SPTBN4: variants seen among roughly 807,000 people sequenced by gnomAD.
The protein encoded by SPTBN4 is spectrin beta chain, non-erythrocytic 4.
In SPTBN4, 96 loss-of-function variants were observed where a neutral mutation model predicts 277.8. That is an observed-to-expected ratio of 0.35 (90% CI 0.29 to 0.41). The LOEUF (loss-of-function observed/expected upper bound fraction) is 0.41. Ranked by LOEUF, SPTBN4 falls within the 10% of genes least tolerant of loss-of-function variation. The pLI is 1.00. For missense variants in SPTBN4, 3,006 were observed against 3,595.7 expected, an observed-to-expected ratio of 0.84 and a Z score of 4.19; for synonymous variants, 1,481 against 1,580.3, an observed-to-expected ratio of 0.94 and a Z score of 1.49.
chr19:40,514,754 T>C (rs1172102346), intron 14 of SPTBN4, among the ~76,000 whole-genome samples: 2 of 151,908 alleles, frequency 1.3e-5, no homozygotes, highest in Non-Finnish European at 2.9e-5. Flanking sequence ...AAGAAGGGTG[T>C]GAAGGAAAAC....
At chr19:40,535,837 T>A (rs1284940917) in intron 20 of SPTBN4, among the ~76,000 whole-genome samples, 1 of 152,128 alleles carries the variant, frequency 6.6e-6, no homozygotes, top group African/African-American at 2.4e-5. Flanking sequence ...CTCAGGAGGC[T>A]GTAATCCCAG....
intron 6 of SPTBN4, 55 bp from the exon 7 acceptor site, chr19:40,497,434 T>C: frequency 7.2e-7 from 1 of 1,385,764 alleles, no homozygotes; most frequent in South Asian, 1.2e-5. Flanking sequence ...CTTCCCTGCT[T>C]GCCCGCCGGC....
intron 2 of SPTBN4, among the ~76,000 whole-genome samples, chr19:40,481,391 G>A (rs954473601): frequency 3.9e-5 from 6 of 152,054 alleles, no homozygotes; most frequent in Admixed American, 6.6e-5. Flanking sequence ...GAGACTGCCC[G>A]TTTGTATCGT....
chr19:40,524,989 G>T (rs2080573415), intron 17 of SPTBN4, among the ~76,000 whole-genome samples: 1 of 152,142 alleles, frequency 6.6e-6, no homozygotes, highest in Non-Finnish European at 1.5e-5. Flanking sequence ...CATTAGAGCT[G>T]TTTCTGCTCC....
chr19:40,477,805 GA>G (rs2079965581), intron 2 of SPTBN4, among the ~76,000 whole-genome samples: 1 of 152,130 alleles, frequency 6.6e-6, no homozygotes, highest in Non-Finnish European at 1.5e-5. Flanking sequence ...TACAGGTGAG[GA>G]GTAAATGATG....
chr19:40,475,233 G>A (rs1158620830), intron 2 of SPTBN4, among the ~76,000 whole-genome samples: 3 of 152,042 alleles, frequency 2.0e-5, no homozygotes, highest in African/African-American at 4.8e-5. Flanking sequence ...GATATGGAAC[G>A]TCATAATCAT....
rs372763000 is a variant in SPTBN4 at position 40,498,373 on chromosome 19, TTTTATTTATTTATTTATTTA to T, written c.784+797_784+816del. On this transcript the variant is annotated intron_variant, in intron 7 of 35. Transcript: ENST00000598249. Reference sequence around the variant, plus strand: ...AATTTATCAACCCTGTTTTATTTTATTTTATTTATTTATTTATTTATTTATTTATTTATTTATTTATTTAT... The same window carrying T: ...AATTTATCAACCCTGTTTTATTTTATTTTATTTATTTATTTATTTATTTAT... Among the ~76,000 whole-genome samples the T allele has an allele frequency of 9.2e-5, 13 of 141,162 alleles. No individual in the cohort carries two copies. In the East Asian group the frequency reaches 1.1e-3, roughly 12 times the overall value. The allele number at this position is 141,162 out of a possible 152,430, so 92.6% of individuals were successfully genotyped here. A position where few individuals can be genotyped will look rare whatever the true frequency, so the allele number is the denominator to read the frequency against.
Position 40,513,545 on chromosome 19 carries a change from T to C in SPTBN4, c.2756T>C (p.Val919Ala). 6.3e-7 allele frequency: 1 copy of C among 1,576,410 alleles called. No individual in the cohort carries two copies. Among genetic ancestry groups the C allele is most frequent in the Non-Finnish European group, 8.6e-7 (1 of 1,166,280 alleles). ...GATTCACTCGACGACGTCGAGGTGGTGCAGCACCGGTGAGCGCGCACATGT... is the reference window on the plus strand; with the variant it reads ...GATTCACTCGACGACGTCGAGGTGGCGCAGCACCGGTGAGCGCGCACATGT... Reference protein sequence around the residue: ...VPDSLDDVEVVQHRFESLDQE... With the variant: ...VPDSLDDVEVAQHRFESLDQE... The change falls in exon 14 of 36, where the codon GTG (valine) becomes GCG (alanine). Residue 919 changes from valine (V) to alanine (A), a missense_variant. By Grantham distance (64) the Val-to-Ala change is moderately conservative (BLOSUM62 0). Coordinates refer to ENST00000598249, the MANE Select transcript of SPTBN4 (RefSeq NM_020971.3).
chr19:40,538,973 A>G (rs2080768834), intron 20 of SPTBN4, among the ~76,000 whole-genome samples: 1 of 152,186 alleles, frequency 6.6e-6, no homozygotes, highest in Non-Finnish European at 1.5e-5. Flanking sequence ...AGGCCAACCC[A>G]CATGGAAGCC....
Position 40,487,695 on chromosome 19 carries a change from A to G in SPTBN4, c.170-2A>G. On this transcript the variant is annotated splice_acceptor_variant, in intron 2 of 35. Transcript: ENST00000598249. LOFTEE classifies it high-confidence loss of function. ...GGGGGCTCATCAGGGCCTCTCCTCC[A>G]GATGAGCGGGAAGCCGTGCAGAAGA... 6.2e-7 allele frequency: 1 copy of G among 1,610,524 alleles called. No individual in the cohort carries two copies. The highest frequency in any genetic ancestry group is 8.5e-7 in the Non-Finnish European group (1 of 1,178,200).
chr19:40,569,622 G>A lies in SPTBN4; in HGVS notation c.6957-35G>A, dbSNP rs753455639. The A allele has an allele frequency of 3.7e-6, 6 of 1,608,122 alleles. No homozygotes were observed. In the Admixed American group the frequency reaches 1.0e-4, roughly 27 times the overall value. ...ACAGGTCCATGGGAGAAGGAACCCT[G>A]GTTTCACTGGGTCTTTCTGTCCCCC... On this transcript the variant is annotated intron_variant, in intron 31 of 35. Coordinates refer to ENST00000598249, the MANE Select transcript of SPTBN4 (RefSeq NM_020971.3).
At chr19:40,494,759 C>T (rs1248510563) in intron 5 of SPTBN4, 138 bp from the exon 6 acceptor site, 2 of 714,544 alleles carry the variant, frequency 2.8e-6, no homozygotes, top group Non-Finnish European at 4.8e-6. Context: ...AACACCCACC[C>T]ATCCATCCAT....
intron 2 of SPTBN4, among the ~76,000 whole-genome samples, chr19:40,481,688 C>T (rs1273351940): frequency 6.6e-6 from 1 of 152,116 alleles, no homozygotes; most frequent in Admixed American, 6.6e-5. Context: ...GTTGGCCAGG[C>T]TGGTCTCGAA....
intron 2 of SPTBN4, among the ~76,000 whole-genome samples, chr19:40,479,156 G>A (rs540732824): frequency 6.6e-6 from 1 of 152,174 alleles, no homozygotes; most frequent in East Asian, 1.9e-4. Context: ...GGAGTGCAGT[G>A]GTGCTATCAC....
chr19:40,538,612 G>A (rs1319892951), intron 20 of SPTBN4, among the ~76,000 whole-genome samples: 2 of 152,122 alleles, frequency 1.3e-5, no homozygotes, highest in African/African-American at 4.8e-5. Context: ...TTTTGAGGCA[G>A]TTTCTACCTC....
In SPTBN4 at chr19:40,487,764, C is replaced by T. The variant is rs2080089202; in HGVS notation, c.237C>T (p.Gly79=). Residue 79 remains glycine, a synonymous_variant, in exon 3 of 36, where the codon GGC becomes GGT. Transcript: ENST00000598249. The part of the protein sequence containing the change: ...KWVNSHLARV[G]CHIGDLYVDL... Reference sequence around the variant, plus strand: ...TGAACTCGCACCTCGCCCGCGTGGGCTGCCACATCGGGGACCTCTATGTGG... The same window carrying T: ...TGAACTCGCACCTCGCCCGCGTGGGTTGCCACATCGGGGACCTCTATGTGG... 1.2e-6 allele frequency: 2 copies of T among 1,613,454 alleles called. No homozygotes were observed. Among genetic ancestry groups the T allele is most frequent in the South Asian group, 1.1e-5 (1 of 90,986 alleles).
chr19:40,469,834 G>C (rs2079865161), intron 1 of SPTBN4, among the ~76,000 whole-genome samples: 2 of 151,314 alleles, frequency 1.3e-5, no homozygotes, highest in African/African-American at 2.4e-5. Flanking sequence ...AGTAGAGGCG[G>C]GGTTTCACCA....
At position 40,519,329 on chromosome 19, in the gene SPTBN4, C is replaced by A; in HGVS notation, c.2904-72C>A. 7.1e-7 allele frequency: 1 copy of A among 1,406,222 alleles called. No homozygotes were observed. Among genetic ancestry groups the A allele is most frequent in the Non-Finnish European group, 9.2e-7 (1 of 1,081,618 alleles). The allele number at this position is 1,406,222 out of a possible 1,614,324, so 87.1% of individuals were successfully genotyped here. A position where few individuals can be genotyped will look rare whatever the true frequency, so the allele number is the denominator to read the frequency against. ...GGGTGGCTTGGGCCTGGATTCTACC[C>A]TGGGTCGGCGGGCCCTCCGCGCCCA... On this transcript the variant is annotated intron_variant, in intron 15 of 35. Coordinates refer to ENST00000598249, the MANE Select transcript of SPTBN4 (RefSeq NM_020971.3). The surrounding 1 kb of genome is among the most constrained non-coding windows in gnomAD (Gnocchi z 5.7).
rs769504423 is a variant in SPTBN4, at chr19:40,556,126, C to T, written c.5127C>T (p.Tyr1709=). 2.9e-5 allele frequency: 46 copies of T among 1,612,574 alleles called. No individual in the cohort carries two copies. Among genetic ancestry groups the T allele is most frequent in the Middle Eastern group, 3.9e-4 (2 of 5,076 alleles). Residue 1709 remains tyrosine, a synonymous_variant, in exon 25 of 36, where the codon TAC becomes TAT. Coordinates refer to ENST00000598249, the MANE Select transcript of SPTBN4 (RefSeq NM_020971.3). ...SRRQSQVDRL[Y]VALKELGEER... ...GGCAGTCTCAGGTGGACCGCCTGTACGTGGCGCTCAAGGAGCTGGGTGAGG... is the reference window on the plus strand; with the variant it reads ...GGCAGTCTCAGGTGGACCGCCTGTATGTGGCGCTCAAGGAGCTGGGTGAGG...
Sources: allele counts gnomAD v4.1 joint callset (sites outside exome capture counted in the v4.1 genomes callset), GRCh38; gene constraint gnomAD v4.1.1; non-coding constraint Gnocchi (gnomAD v3.1); transcripts MANE v1.5; gene names NCBI Gene and HGNC (gene_info 2026-07-23, HGNC 2026-07-21).